Variants in HEMK2 observed in about 807,000 individuals in gnomAD.
HEMK2 encodes HemK methyltransferase 2, ETF1 glutamine and histone H4 lysine.
chr21:28,783,798 G>A, the HEMK2 span, among the ~76,000 whole-genome samples: 4 of 152,304 alleles, frequency 2.6e-5, no homozygotes, highest in East Asian at 1.9e-4. Context: ...CAGCACTCAC[G>A]GGCCAGCACG....
At chr21:28,775,239 C>A in the HEMK2 span, among the ~76,000 whole-genome samples, 1 of 152,058 alleles carries the variant, frequency 6.6e-6, no homozygotes, top group Non-Finnish European at 1.5e-5. Flanking sequence ...ATTGAAAGCT[C>A]TAGAGATGAT....
chr21:28,733,569 C>T, the HEMK2 span, among the ~76,000 whole-genome samples: 3 of 152,114 alleles, frequency 2.0e-5, no homozygotes, highest in South Asian at 6.2e-4. Flanking sequence ...ATTTCCTCCA[C>T]CCACACCTTA....
chr21:28,631,171 C>T, the HEMK2 span, among the ~76,000 whole-genome samples: 1 of 152,076 alleles, frequency 6.6e-6, no homozygotes, highest in South Asian at 2.1e-4. Context: ...TATAAATGGA[C>T]AGTTTCAGAG....
At chr21:28,868,095 T>C in the HEMK2 span, among the ~76,000 whole-genome samples, 1 of 152,206 alleles carries the variant, frequency 6.6e-6, no homozygotes, top group African/African-American at 2.4e-5. Flanking sequence ...TGTTTCTTTA[T>C]GGACTTTCCA....
chr21:28,882,612 T>C, the HEMK2 span, among the ~76,000 whole-genome samples: 1 of 91,960 alleles, frequency 1.1e-5, no homozygotes, highest in South Asian at 4.4e-4. Flanking sequence ...ACACAGGAAA[T>C]GAAAAAAAAC....
chr21:28,872,795 G>A, the HEMK2 span: 2 of 152,130 alleles, frequency 1.3e-5, no homozygotes, highest in African/African-American at 2.4e-5. Context: ...AAAAAAAAGG[G>A]GGGGGAATTC....
chr21:28,753,957 T>C, the HEMK2 span, among the ~76,000 whole-genome samples: 9 of 152,210 alleles, frequency 5.9e-5, no homozygotes, highest in African/African-American at 2.2e-4. Flanking sequence ...AAAATAATGC[T>C]CTCTTTTCAT....
chr21:28,811,346 G>A, the HEMK2 span, among the ~76,000 whole-genome samples: 1 of 146,956 alleles, frequency 6.8e-6, no homozygotes, highest in South Asian at 2.2e-4. Flanking sequence ...AGAAAGAAAG[G>A]AAGGAAGGAA....
chr21:28,864,382 T>C, the HEMK2 span, among the ~76,000 whole-genome samples: 1 of 151,864 alleles, frequency 6.6e-6, no homozygotes, highest in Admixed American at 6.6e-5. Context: ...AAAAAGTGTA[T>C]TAATTTGACC....
the HEMK2 span, among the ~76,000 whole-genome samples, chr21:28,653,682 T>G: frequency 2.0e-4 from 31 of 152,256 alleles, no homozygotes; most frequent in South Asian, 2.5e-3. Flanking sequence ...CAAGAATAAA[T>G]AAATGAAAGC....
the HEMK2 span, among the ~76,000 whole-genome samples, chr21:28,647,392 C>T: frequency 6.8e-6 from 1 of 148,024 alleles, no homozygotes; most frequent in Non-Finnish European, 1.5e-5. Flanking sequence ...CCTGTAGTCC[C>T]AGCTACTCAG....
the HEMK2 span, among the ~76,000 whole-genome samples, chr21:28,867,386 T>TA: frequency 7.4e-3 from 1,120 of 152,250 alleles, 13 homozygotes; most frequent in African/African-American, 0.025. Flanking sequence ...TTATAATCTA[T>TA]AAAAAAATCC....
At chr21:28,735,001 C>T in the HEMK2 span, among the ~76,000 whole-genome samples, 1 of 152,194 alleles carries the variant, frequency 6.6e-6, no homozygotes, top group Non-Finnish European at 1.5e-5. Flanking sequence ...GGTGGCCCTG[C>T]TTCTGGAAGT....
the HEMK2 span, among the ~76,000 whole-genome samples, chr21:28,665,387 A>ATTTTTTTTTTTTTTTT: frequency 1.4e-4 from 2 of 14,416 alleles, no homozygotes; most frequent in Non-Finnish European, 2.2e-4. Flanking sequence ...TTTTTTTTTA[A>ATTTTTTTTTTTTTTTT]TTTTTTTTTT....
At chr21:28,755,649 G>A in the HEMK2 span, among the ~76,000 whole-genome samples, 1 of 152,210 alleles carries the variant, frequency 6.6e-6, no homozygotes, top group Non-Finnish European at 1.5e-5. Context: ...TGATTGCCAA[G>A]TTATGACACT....
the HEMK2 span, chr21:28,872,427 C>CT: frequency 6.6e-6 from 1 of 152,224 alleles, no homozygotes; most frequent in African/African-American, 2.4e-5. Flanking sequence ...GAAATGGAAT[C>CT]TTTCACAGTG....
chr21:28,869,742 C>A, the HEMK2 span, among the ~76,000 whole-genome samples: 1 of 152,192 alleles, frequency 6.6e-6, no homozygotes, highest in Non-Finnish European at 1.5e-5. Flanking sequence ...ACTTTCTATG[C>A]TCTGGACAAA....
the HEMK2 span, among the ~76,000 whole-genome samples, chr21:28,724,832 A>C: frequency 6.6e-6 from 1 of 152,102 alleles, no homozygotes; most frequent in African/African-American, 2.4e-5. Flanking sequence ...CCCAGGCTGG[A>C]GTGCAAAGGC....
chr21:28,850,217 C>CCT, the HEMK2 span, among the ~76,000 whole-genome samples: 1 of 94,430 alleles, frequency 1.1e-5, no homozygotes, highest in East Asian at 3.8e-4. Flanking sequence ...ATTCAGCATT[C>CCT]TTTTTTTTTT....
Sources: gnomAD v4.1 joint callset for allele counts (sites outside exome capture counted in the v4.1 genomes callset) on GRCh38, gnomAD v4.1.1 for gene constraint, MANE v1.5 for transcripts, NCBI Gene and HGNC (gene_info 2026-07-23, HGNC 2026-07-21) for gene names.